MNAT1: variants seen among roughly 807,000 people sequenced by gnomAD.
MNAT1 encodes the protein MNAT1 component of CDK activating kinase.
In MNAT1, 43 loss-of-function variants were observed where a neutral mutation model predicts 42.0. The observed-to-expected ratio is 1.02, with a 90% CI of 0.80 to 1.32. The LOEUF (loss-of-function observed/expected upper bound fraction) is 1.32, where lower values mean the gene tolerates loss of function less well. Ranked by LOEUF, MNAT1 falls within the 40% of genes most tolerant of loss-of-function variation. The probability of loss-of-function intolerance (pLI) is 0.00; values close to 1 mark genes in which losing one functional copy is unlikely to be tolerated. For synonymous variants in MNAT1, 118 were observed against 120.0 expected, an observed-to-expected ratio of 0.98 and a Z score of 0.11; for missense variants, 306 against 350.4, an observed-to-expected ratio of 0.87 and a Z score of 1.01.
chr14:60,843,852 A>G (rs2033612216), intron 6 of MNAT1, among the ~76,000 whole-genome samples: 2 of 152,156 alleles, frequency 1.3e-5, no homozygotes, highest in Non-Finnish European at 2.9e-5. Context: ...TGTCCTATCT[A>G]AGGAACCTTT....
chr14:60,871,226 C>T (rs1291930126), intron 6 of MNAT1, among the ~76,000 whole-genome samples: 1 of 152,146 alleles, frequency 6.6e-6, no homozygotes, highest in Non-Finnish European at 1.5e-5. Flanking sequence ...TATTTGGCTG[C>T]TATTAATAGC....
chr14:60,792,529 A>AT (rs1291094217), intron 1 of MNAT1, among the ~76,000 whole-genome samples: 1 of 152,160 alleles, frequency 6.6e-6, no homozygotes, highest in Non-Finnish European at 1.5e-5. Context: ...TTTCTGTTTC[A>AT]TTTTTAAAAG....
intron 1 of MNAT1, among the ~76,000 whole-genome samples, chr14:60,746,773 C>T (rs1302298390): frequency 6.7e-6 from 1 of 149,604 alleles, no homozygotes; most frequent in East Asian, 2.0e-4. Context: ...TAGTTACTTA[C>T]TGAGCGTAAC....
In MNAT1 at chr14:60,746,913, TATATATATATACACACACACAC is replaced by T. The variant is rs748796868; in HGVS notation, c.89+11964_89+11985del. Among the ~76,000 whole-genome samples the T allele has an allele frequency of 1.7e-3, 46 of 26,294 alleles. 1 individual carries two copies. In the East Asian group the frequency reaches 0.045, roughly 26 times the overall value. 17.2% of individuals were successfully genotyped at this position (26,294 alleles called of 152,430 possible). A position where few individuals can be genotyped will look rare whatever the true frequency, so the allele number is the denominator to read the frequency against. ...GATTCATTTCATATATATATATATA[TATATATATATACACACACACAC>T]ACACACACACACACACACACACACA... On this transcript the variant is annotated intron_variant, in intron 1 of 7. Coordinates refer to ENST00000261245, the MANE Select transcript of MNAT1 (RefSeq NM_002431.4).
At chr14:60,940,366 C>G (rs1349331630) in intron 7 of MNAT1, among the ~76,000 whole-genome samples, 1 of 152,108 alleles carries the variant, frequency 6.6e-6, no homozygotes, top group Non-Finnish European at 1.5e-5. Context: ...TGCAGTGGCT[C>G]TGGAGACCCC....
At chr14:60,909,639 T>C (rs1451781922) in intron 7 of MNAT1, among the ~76,000 whole-genome samples, 2 of 151,810 alleles carry the variant, frequency 1.3e-5, no homozygotes, top group African/African-American at 2.4e-5. Flanking sequence ...GTTGTAGATA[T>C]GTGGCATTAT....
chr14:60,799,203 A>C, intron 3 of MNAT1: 3 of 969,840 alleles, frequency 3.1e-6, no homozygotes, highest in Non-Finnish European at 3.7e-6. Flanking sequence ...CAGTGCCATA[A>C]GAGCCACTGC....
At chr14:60,800,541 A>G (rs771963123) in intron 3 of MNAT1, among the ~76,000 whole-genome samples, 17 of 152,218 alleles carry the variant, frequency 1.1e-4, no homozygotes, top group Non-Finnish European at 2.2e-4. Flanking sequence ...CCATGTCTCA[A>G]AAAACCAGAA....
chr14:60,909,041 T>A (rs561286439), intron 7 of MNAT1, among the ~76,000 whole-genome samples: 146 of 152,342 alleles, frequency 9.6e-4, no homozygotes, highest in African/African-American at 3.2e-3. Flanking sequence ...GGTATCTCAT[T>A]GTGGTTTTGA....
chr14:60,763,396 T>A (rs960324528), intron 1 of MNAT1, among the ~76,000 whole-genome samples: 1 of 152,180 alleles, frequency 6.6e-6, no homozygotes, highest in African/African-American at 2.4e-5. Context: ...AATCATATGC[T>A]CTTTATGCTG....
chr14:60,905,924 C>G (rs1264977649), intron 7 of MNAT1, among the ~76,000 whole-genome samples: 1 of 152,154 alleles, frequency 6.6e-6, no homozygotes, highest in Non-Finnish European at 1.5e-5. Flanking sequence ...ATCAGGAGAT[C>G]CTTTAGCCCA....
intron 1 of MNAT1, among the ~76,000 whole-genome samples, chr14:60,772,916 CATTT>C (rs201818233): frequency 0.015 from 2,138 of 141,866 alleles, 29 homozygotes; most frequent in African/African-American, 0.033. Flanking sequence ...TTTTTTAAAA[CATTT>C]ATTTATTTAT....
chr14:60,843,432 G>A (rs2033601423), intron 6 of MNAT1, among the ~76,000 whole-genome samples: 2 of 151,962 alleles, frequency 1.3e-5, no homozygotes, highest in East Asian at 1.9e-4. Context: ...CACCATGCCC[G>A]GCTAATTTTT....
intron 6 of MNAT1, among the ~76,000 whole-genome samples, chr14:60,845,760 A>G (rs1278574208): frequency 2.6e-5 from 4 of 152,208 alleles, no homozygotes; most frequent in Admixed American, 1.3e-4. Context: ...GACATTTTCT[A>G]TAAATAGAAT....
intron 6 of MNAT1, among the ~76,000 whole-genome samples, chr14:60,862,005 G>A (rs1461506173): frequency 6.6e-6 from 1 of 152,132 alleles, no homozygotes; most frequent in Non-Finnish European, 1.5e-5. Context: ...GGGAATGCCC[G>A]AATTACAATT....
intron 5 of MNAT1, among the ~76,000 whole-genome samples, chr14:60,815,045 G>A (rs117217455): frequency 6.6e-6 from 1 of 151,852 alleles, no homozygotes; most frequent in African/African-American, 2.4e-5. Context: ...AGAGTTACAG[G>A]CTCTTTTTTG....
chr14:60,841,669 C>A (rs956316141), intron 6 of MNAT1, among the ~76,000 whole-genome samples: 1 of 152,002 alleles, frequency 6.6e-6, no homozygotes, highest in Non-Finnish European at 1.5e-5. Flanking sequence ...ATATTTCTGT[C>A]TTTTTGGAAT....
intron 7 of MNAT1, among the ~76,000 whole-genome samples, chr14:60,931,905 C>T (rs544609344): frequency 2.0e-5 from 3 of 151,736 alleles, no homozygotes; most frequent in Admixed American, 2.0e-4. Flanking sequence ...AGATACTGAG[C>T]CTACTTTTTA....
chr14:60,833,082 G>T (rs144381569), intron 6 of MNAT1, among the ~76,000 whole-genome samples: 130 of 152,294 alleles, frequency 8.5e-4, no homozygotes, highest in African/African-American at 2.9e-3. Flanking sequence ...TTTGGGCTGA[G>T]ATGATGGGGT....
Sources: gnomAD v4.1 joint callset for allele counts (sites outside exome capture counted in the v4.1 genomes callset) on GRCh38, gnomAD v4.1.1 for gene constraint, MANE v1.5 for transcripts, NCBI Gene and HGNC (gene_info 2026-07-23, HGNC 2026-07-21) for gene names.